Variants in KIF1A observed in about 807,000 individuals in gnomAD.
KIF1A encodes the protein kinesin-like protein KIF1A.
A neutral mutation model predicts 227.3 loss-of-function variants in KIF1A; 46 were observed. The ratio of observed to expected loss-of-function variants is 0.20; its 90% CI spans 0.16 to 0.26. The LOEUF (loss-of-function observed/expected upper bound fraction) is 0.26, where lower values mean the gene tolerates loss of function less well. Ranked by LOEUF, KIF1A falls within the 10% of genes least tolerant of loss-of-function variation. The probability of loss-of-function intolerance (pLI) is 1.00; values close to 1 mark genes in which losing one functional copy is unlikely to be tolerated. For missense variants in KIF1A, 1,683 were observed against 2,485.9 expected, an observed-to-expected ratio of 0.68 and a Z score of 6.87; for synonymous variants, 1,022 against 1,012.8, an observed-to-expected ratio of 1.01 and a Z score of -0.17.
Position 240,790,739 on chromosome 2 carries a change from C to A in KIF1A, c.107-1427G>T, listed in dbSNP as rs1008252836. 6.6e-6 allele frequency among the ~76,000 whole-genome samples: 1 copy of A among 151,992 alleles called. No homozygotes were observed. Among genetic ancestry groups the A allele is most frequent in the Non-Finnish European group, 1.5e-5 (1 of 68,002 alleles). On this transcript the variant is annotated intron_variant, in intron 2 of 48. Transcript: ENST00000498729. This position sits in a 1 kb window ranked among gnomAD's most constrained non-coding sequence, Gnocchi z 5.0. ...GGAGACAGGGAGGGTGCCATGAGAACATGAGGGCAGAGATCAGGGTGATGA... is the reference window on the plus strand; with the variant it reads ...GGAGACAGGGAGGGTGCCATGAGAAAATGAGGGCAGAGATCAGGGTGATGA...
intron 47 of KIF1A, 30 bp from the exon 48 acceptor site, chr2:240,718,198 G>T: frequency 6.8e-7 from 1 of 1,473,062 alleles, no homozygotes; most frequent in Non-Finnish European, 9.3e-7. Context: ...GTGAGGAGGT[G>T]CCAGGCTCCG....
chr2:240,787,147 G>C, intron 5 of KIF1A, 104 bp downstream of exon 5: 1 of 922,028 alleles, frequency 1.1e-6, no homozygotes, highest in South Asian at 1.4e-5. Context: ...CAAGCTGGGC[G>C]TGCAGACCCG....
chr2:240,759,038 C>G (rs2050193351), intron 25 of KIF1A, among the ~76,000 whole-genome samples: 1 of 152,128 alleles, frequency 6.6e-6, no homozygotes, highest in African/African-American at 2.4e-5. Context: ...CAGTGGCTGT[C>G]CGTCCTTCCA....
At chr2:240,797,934 C>T in intron 1 of KIF1A, 122 bp from the exon 2 acceptor site, 2 of 564,662 alleles carry the variant, frequency 3.5e-6, no homozygotes, top group South Asian at 2.4e-5. Flanking sequence ...GTGATACATG[C>T]ATGGGGTGGA....
chr2:240,780,797 T>TA (rs2053594634), intron 10 of KIF1A, among the ~76,000 whole-genome samples: 1 of 12,446 alleles, frequency 8.0e-5, no homozygotes, highest in Non-Finnish European at 1.5e-4. Flanking sequence ...CACACACAGC[T>TA]CCACACACAC....
At chr2:240,784,301 C>T (rs920935543) in intron 7 of KIF1A, among the ~76,000 whole-genome samples, 5 of 152,108 alleles carry the variant, frequency 3.3e-5, no homozygotes, top group African/African-American at 1.2e-4. Context: ...GGTGGGAGGC[C>T]CTGCACCGGG....
chr2:240,731,821 GC>G (rs1452956111), intron 38 of KIF1A, among the ~76,000 whole-genome samples: 36 of 151,034 alleles, frequency 2.4e-4, no homozygotes, highest in Middle Eastern at 3.5e-3. Flanking sequence ...TCACTGCTGT[GC>G]CACAGGGCCA....
At chr2:240,730,949 T>C (rs1008627834) in intron 38 of KIF1A, among the ~76,000 whole-genome samples, 3 of 152,144 alleles carry the variant, frequency 2.0e-5, no homozygotes, top group African/African-American at 7.2e-5. Flanking sequence ...TCCTGGTCAG[T>C]ACTGGCCCCA....
intron 29 of KIF1A, among the ~76,000 whole-genome samples, chr2:240,746,949 T>A (rs1270732774): frequency 6.6e-6 from 1 of 152,156 alleles, no homozygotes; most frequent in Admixed American, 6.5e-5. Flanking sequence ...TGCACCTCAG[T>A]GTCTGTTCTG....
intron 1 of KIF1A, among the ~76,000 whole-genome samples, chr2:240,799,384 C>T (rs1008670729): frequency 2.0e-5 from 3 of 152,220 alleles, no homozygotes; most frequent in African/African-American, 7.2e-5. Flanking sequence ...GGCTGTCCCT[C>T]AGGCAAACAG....
At position 240,715,970 on chromosome 2, in the gene KIF1A, G is replaced by A. The variant is rs2044559082; in HGVS notation, c.*1394C>T. On this transcript the variant is annotated 3_prime_UTR_variant, in exon 49 of 49. Transcript: ENST00000498729. ...TCGACCTGTGGGTGTGGGTGGGGAGGGCCCTAAAACCTCCCTAGGCCTCTG... is the reference window on the plus strand; with the variant it reads ...TCGACCTGTGGGTGTGGGTGGGGAGAGCCCTAAAACCTCCCTAGGCCTCTG... 1 of 152,218 alleles carries A rather than the reference G, an allele frequency of 6.6e-6. No individual in the cohort carries two copies. Among genetic ancestry groups the A allele is most frequent in the Admixed American group, 6.6e-5 (1 of 15,256 alleles). 9.4% of individuals were successfully genotyped at this position (152,218 alleles called of 1,614,324 possible).
intron 5 of KIF1A, 59 bp from the exon 6 acceptor site, chr2:240,786,572 G>T (rs1341491273): frequency 1.3e-6 from 2 of 1,496,520 alleles, no homozygotes; most frequent in Non-Finnish European, 9.1e-7. Context: ...GGCTGCCACT[G>T]GGGGGACCCC....
Position 240,737,080 on chromosome 2 carries a change from G to A in KIF1A, c.3990C>T (p.His1330=). Residue 1330 remains histidine, a synonymous_variant, in exon 38 of 49, where the codon CAC becomes CAT. Transcript: ENST00000498729. The stretch of plus-strand genomic sequence containing the variant: ...CGACTCACCGGTCATCTTGGGCTGG[G>A]TGGATGTATCCGGAAGAGAGGATGT... ...SLNILSSGYI[H]PAQDDRTFYQ... 1 of 1,613,276 alleles carries A rather than the reference G, an allele frequency of 6.2e-7. No individual in the cohort carries two copies.
rs907578052 is a variant in KIF1A at position 240,756,240 on chromosome 2, T to C, written c.2858+1079A>G. 7.2e-5 allele frequency among the ~76,000 whole-genome samples: 11 copies of C among 152,274 alleles called. No homozygotes were observed. The South Asian group carries it at 8.3e-4, about 11-fold the overall frequency. On this transcript the variant is annotated intron_variant, in intron 27 of 48. Transcript: ENST00000498729. ...AGACTTTTGAAAACTTCCACTGGCC[T>C]AGCCCAGGGAAGCAATCTTAATCGC...
chr2:240,811,219 G>C (rs1232432492), intron 1 of KIF1A, among the ~76,000 whole-genome samples: 3 of 152,072 alleles, frequency 2.0e-5, no homozygotes, highest in Non-Finnish European at 4.4e-5. Flanking sequence ...ACAAAAATTA[G>C]CTCAGCGTGG....
intron 38 of KIF1A, among the ~76,000 whole-genome samples, chr2:240,728,921 T>C (rs180699500): frequency 2.0e-5 from 3 of 152,320 alleles, no homozygotes; most frequent in East Asian, 1.9e-4. Flanking sequence ...TACCTCAAGA[T>C]GTCTTGCAGA....
intron 47 of KIF1A, among the ~76,000 whole-genome samples, chr2:240,718,675 G>T (rs935018394): frequency 3.9e-5 from 6 of 152,230 alleles, no homozygotes; most frequent in Non-Finnish European, 1.5e-5. Flanking sequence ...GCCCATTCCT[G>T]CAGGGCTGGT....
At position 240,792,520 on chromosome 2, in the gene KIF1A, G is replaced by T. The variant is rs544290053; in HGVS notation, c.107-3208C>A. Among the ~76,000 whole-genome samples the T allele has an allele frequency of 2.0e-5, 3 of 152,064 alleles. No individual in the cohort carries two copies. Among genetic ancestry groups the T allele is most frequent in the South Asian group, 2.1e-4 (1 of 4,808 alleles). On this transcript the variant is annotated intron_variant, in intron 2 of 48. Transcript: ENST00000498729. This position sits in a 1 kb window ranked among gnomAD's most constrained non-coding sequence, Gnocchi z 4.5. ...TGGACACCGAGACGACAGAGACAGC[G>T]GGGGGAGGGTTGGGGTGAGGAGTGG...
chr2:240,812,346 C>T (rs977720213), intron 1 of KIF1A, among the ~76,000 whole-genome samples: 1 of 152,196 alleles, frequency 6.6e-6, no homozygotes, highest in Non-Finnish European at 1.5e-5. Context: ...ACGGTGAGGG[C>T]CAGACACAGG....
Sources: gnomAD v4.1 joint callset for allele counts (sites outside exome capture counted in the v4.1 genomes callset) on GRCh38, gnomAD v4.1.1 for gene constraint, Gnocchi (gnomAD v3.1) non-coding constraint, MANE v1.5 for transcripts, NCBI Gene and HGNC (gene_info 2026-07-23, HGNC 2026-07-21) for gene names.